Variants in NT5M observed in about 807,000 individuals in gnomAD.
The protein encoded by NT5M is 5'(3')-deoxyribonucleotidase, mitochondrial.
Under a neutral mutation model 22.2 loss-of-function variants are expected in NT5M, and 22 were observed. The ratio of observed to expected loss-of-function variants is 0.99; its 90% CI spans 0.71 to 1.41. The LOEUF is 1.41. Among genes scored for constraint, NT5M ranks in the 40% most tolerant of loss-of-function variants. The pLI is 0.00. For synonymous variants in NT5M, 167 were observed against 133.0 expected, an observed-to-expected ratio of 1.26 and a Z score of -1.76; for missense variants, 322 against 314.8, an observed-to-expected ratio of 1.02 and a Z score of -0.17.
chr17:17,326,498 G>C (rs999640189), intron 3 of NT5M, among the ~76,000 whole-genome samples: 3 of 152,226 alleles, frequency 2.0e-5, no homozygotes, highest in Non-Finnish European at 4.4e-5. Flanking sequence ...GAAGGATATT[G>C]CCTTGCTCAG....
intron 3 of NT5M, among the ~76,000 whole-genome samples, chr17:17,337,869 T>G (rs947287977): frequency 2.0e-5 from 3 of 152,252 alleles, no homozygotes; most frequent in Non-Finnish European, 4.4e-5. Flanking sequence ...TTCACTTTGT[T>G]GACTGTATCC....
intron 3 of NT5M, among the ~76,000 whole-genome samples, chr17:17,337,530 A>G (rs1318138809): frequency 6.6e-6 from 1 of 151,634 alleles, no homozygotes; most frequent in Non-Finnish European, 1.5e-5. Context: ...TTAGCCTCCC[A>G]AGTAGCTGAG....
chr17:17,345,165 A>G, intron 4 of NT5M: 2 of 1,141,168 alleles, frequency 1.8e-6, no homozygotes, highest in Non-Finnish European at 2.3e-6. Flanking sequence ...CTTCAGCTTC[A>G]AAGCCTTGTC....
chr17:17,311,064 C>T (rs151281138), intron 2 of NT5M, among the ~76,000 whole-genome samples: 1,790 of 152,124 alleles, frequency 0.012, 35 homozygotes, highest in African/African-American at 0.039. Flanking sequence ...GGGCCGGGCG[C>T]GGTGGCTCAC....
intron 1 of NT5M, among the ~76,000 whole-genome samples, chr17:17,304,065 C>T (rs1236741993): frequency 1.3e-5 from 2 of 152,146 alleles, no homozygotes. Context: ...ATACCTAACT[C>T]TGCATTTAAA....
intron 2 of NT5M, among the ~76,000 whole-genome samples, chr17:17,316,132 A>G (rs1427005889): frequency 1.4e-5 from 2 of 147,290 alleles, no homozygotes; most frequent in Non-Finnish European, 3.0e-5. Context: ...TTGGCTCCCT[A>G]CTACAACCTG....
Position 17,320,151 on chromosome 17 carries a change from T to C in NT5M, c.369-3034T>C, listed in dbSNP as rs2049120708. 3.9e-5 allele frequency among the ~76,000 whole-genome samples: 6 copies of C among 152,216 alleles called. No individual in the cohort carries two copies. In the South Asian group the frequency reaches 1.0e-3, roughly 26 times the overall value. On this transcript the variant is annotated intron_variant, in intron 2 of 4. Transcript: ENST00000389022. ...GCCACCACGCCCAGCCTCCCACGTA[T>C]GTCTTTATGTTCAAATTTATTGAAT...
Position 17,344,856 on chromosome 17 carries a change from C to A in NT5M, c.492C>A (p.Asp164Glu). The A allele has an allele frequency of 6.2e-7, 1 of 1,614,230 alleles. No homozygotes were observed. The highest frequency in any genetic ancestry group is 8.5e-7 in the Non-Finnish European group (1 of 1,180,024). Residue 164 changes from aspartate to glutamate, a missense_variant, in exon 4 of 5, where the codon GAC becomes GAA. Asp to Glu is a conservative substitution (Grantham distance 45, BLOSUM62 2). Transcript: ENST00000389022. ...TGGAGCAGATTGTGCTGACCAGAGA[C>A]AAGACCGTGGTCTCTGCTGACCTTC... is the stretch of plus-strand genomic sequence containing the variant. ...DFLEQIVLTRDKTVVSADLLI... is the reference protein window; with the variant it reads ...DFLEQIVLTREKTVVSADLLI...
intron 2 of NT5M, among the ~76,000 whole-genome samples, chr17:17,308,830 C>T (rs962878451): frequency 1.3e-5 from 2 of 152,202 alleles, no homozygotes; most frequent in Non-Finnish European, 2.9e-5. Flanking sequence ...CTGGGGATTT[C>T]ATATAAATGG....
At position 17,347,027 on chromosome 17, in the gene NT5M, G is replaced by T; in HGVS notation, c.*80G>T. On this transcript the variant is annotated 3_prime_UTR_variant, in exon 5 of 5. Transcript: ENST00000389022. ...CGGGGCCTGTGGGGCCAGTATGCTG[G>T]TCTGGGAGTCCCTCCTAGACTCCTG... The T allele has an allele frequency of 6.5e-7, 1 of 1,541,930 alleles. No homozygotes were observed. Among genetic ancestry groups the T allele is most frequent in the Non-Finnish European group, 8.7e-7 (1 of 1,143,738 alleles).
At chr17:17,341,985 C>T (rs1331050060) in intron 3 of NT5M, among the ~76,000 whole-genome samples, 3 of 151,558 alleles carry the variant, frequency 2.0e-5, no homozygotes, top group African/African-American at 7.3e-5. Context: ...GAGCCGAGAT[C>T]GTGCCATTGC....
chr17:17,338,168 T>A (rs1042226402), intron 3 of NT5M, among the ~76,000 whole-genome samples: 2 of 152,116 alleles, frequency 1.3e-5, no homozygotes, highest in Non-Finnish European at 2.9e-5. Flanking sequence ...AAGGTAGATA[T>A]ATGGATTTAT....
At chr17:17,316,394 A>G (rs552470660) in intron 2 of NT5M, among the ~76,000 whole-genome samples, 3 of 98,162 alleles carry the variant, frequency 3.1e-5, no homozygotes, top group Non-Finnish European at 6.8e-5. Context: ...TATTTATTCG[A>G]GACAGAGTTT....
chr17:17,317,962 CAAAAAA>C (rs35320589), intron 2 of NT5M, among the ~76,000 whole-genome samples: 4 of 74,078 alleles, frequency 5.4e-5, no homozygotes, highest in African/African-American at 2.4e-4. Context: ...ACTCCATGAT[CAAAAAA>C]AAAAAAAAAA....
chr17:17,344,846 T>C lies in NT5M; in HGVS notation c.482T>C (p.Leu161Pro). The C allele has an allele frequency of 6.2e-7, 1 of 1,614,232 alleles. No homozygotes were observed. Among genetic ancestry groups the C allele is most frequent in the Non-Finnish European group, 8.5e-7 (1 of 1,180,032 alleles). Residue 161 changes from leucine to proline, a missense_variant, in exon 4 of 5, where the codon CTG becomes CCG. Coordinates refer to ENST00000389022, the MANE Select transcript of NT5M (RefSeq NM_020201.4). ...FGPDFLEQIV[L>P]TRDKTVVSAD... ...CCTGACTTTCTGGAGCAGATTGTGCTGACCAGAGACAAGACCGTGGTCTCT... is the reference window on the plus strand; with the variant it reads ...CCTGACTTTCTGGAGCAGATTGTGCCGACCAGAGACAAGACCGTGGTCTCT...
At chr17:17,317,594 A>G (rs992219794) in intron 2 of NT5M, among the ~76,000 whole-genome samples, 2 of 152,208 alleles carry the variant, frequency 1.3e-5, no homozygotes, top group Non-Finnish European at 2.9e-5. Flanking sequence ...CAGTCTCTAA[A>G]AAAACCACAA....
chr17:17,318,984 G>A (rs571620847), intron 2 of NT5M, among the ~76,000 whole-genome samples: 2 of 151,998 alleles, frequency 1.3e-5, no homozygotes, highest in South Asian at 4.2e-4. Context: ...GCCGAGGCAC[G>A]TGGATCACCA....
chr17:17,316,475 A>G (rs1274059612), intron 2 of NT5M, among the ~76,000 whole-genome samples: 1 of 151,192 alleles, frequency 6.6e-6, no homozygotes, highest in Admixed American at 6.6e-5. Flanking sequence ...TCCCGGGTTC[A>G]AGTGATTCTC....
chr17:17,323,938 C>T (rs971509893), intron 3 of NT5M, among the ~76,000 whole-genome samples: 9 of 152,134 alleles, frequency 5.9e-5, no homozygotes, highest in Admixed American at 3.3e-4. Flanking sequence ...TGCAATGGCA[C>T]GATCCTGGCT....
Sources: gnomAD v4.1 joint callset for allele counts (sites outside exome capture counted in the v4.1 genomes callset) on GRCh38, gnomAD v4.1.1 for gene constraint, MANE v1.5 for transcripts, NCBI Gene and HGNC (gene_info 2026-07-23, HGNC 2026-07-21) for gene names.